Variants in NRM observed in about 807,000 individuals in gnomAD.
NRM encodes the protein nurim.
In NRM, 19 loss-of-function variants were observed where a neutral mutation model predicts 23.4. The observed-to-expected ratio is 0.81, with a 90% CI of 0.57 to 1.19. The LOEUF is 1.19. NRM is among the 50% of genes most tolerant of loss of function. NRM has a pLI of 0.00. For missense variants in NRM, 232 were observed against 329.7 expected, an observed-to-expected ratio of 0.70 and a Z score of 2.30; for synonymous variants, 140 against 143.5, an observed-to-expected ratio of 0.98 and a Z score of 0.17.
In NRM at chr6:30,690,253, G is replaced by T. The variant is rs761516029; in HGVS notation, c.134-10C>A. 6.4e-7 allele frequency: 1 copy of T among 1,563,968 alleles called. No individual in the cohort carries two copies. The highest frequency in any genetic ancestry group is 1.2e-5 in the South Asian group (1 of 84,454). The stretch of plus-strand genomic sequence containing the variant: ...CATCCCTGGCGGGCATCTACAGGAA[G>T]TTGAGGGAAAAAGAGACAAAAGATC... On this transcript the variant is annotated splice_polypyrimidine_tract_variant and intron_variant, in intron 1 of 3. Coordinates refer to ENST00000376421, the MANE Select transcript of NRM (RefSeq NM_001384369.1). This position sits in a 1 kb window ranked among gnomAD's most constrained non-coding sequence, Gnocchi z 5.5.
Position 30,690,290 on chromosome 6 carries a change from A to C in NRM, c.134-47T>G, listed in dbSNP as rs748224639. ...AGAGACAAAAGATCGAAACAGTGGCAGAATGTTTCCCCCACCCTCATCTCC... is the reference window on the plus strand; with the variant it reads ...AGAGACAAAAGATCGAAACAGTGGCCGAATGTTTCCCCCACCCTCATCTCC... On this transcript the variant is annotated intron_variant, in intron 1 of 3. Coordinates refer to ENST00000376421, the MANE Select transcript of NRM (RefSeq NM_001384369.1). This position sits in a 1 kb window ranked among gnomAD's most constrained non-coding sequence, Gnocchi z 5.5. 3.4e-6 allele frequency: 5 copies of C among 1,488,560 alleles called. No homozygotes were observed. Among genetic ancestry groups the C allele is most frequent in the Non-Finnish European group, 4.5e-6 (5 of 1,106,330 alleles). 92.2% of individuals were successfully genotyped at this position (1,488,560 alleles called of 1,614,324 possible).
In NRM at chr6:30,689,025, C is replaced by A; in HGVS notation, c.508-83G>T. On this transcript the variant is annotated intron_variant, in intron 3 of 3. Transcript: ENST00000376421. The surrounding 1 kb of genome is among the most constrained non-coding windows in gnomAD (Gnocchi z 4.7). ...TTCTTTCCTCCTCTTCCAGGCACCACCCTTCTAGAACTCAGGCCCAGGAAC... is the reference window on the plus strand; with the variant it reads ...TTCTTTCCTCCTCTTCCAGGCACCAACCTTCTAGAACTCAGGCCCAGGAAC... 2 of 1,440,488 alleles carry A rather than the reference C, an allele frequency of 1.4e-6. No individual in the cohort carries two copies. The highest frequency in any genetic ancestry group is 1.9e-6 in the Non-Finnish European group (2 of 1,074,558). The allele number at this position is 1,440,488 out of a possible 1,614,324, so 89.2% of individuals were successfully genotyped here. A position where few individuals can be genotyped will look rare whatever the true frequency, so the allele number is the denominator to read the frequency against.
rs1315428064 is a variant in NRM at position 30,690,527 on chromosome 6, G to A, written c.134-284C>T. ...CACGCTGGATTGCCCCTCTTACTTCGGTTCTCCAAATGCTCCTTCTTTTTA... is the reference window on the plus strand; with the variant it reads ...CACGCTGGATTGCCCCTCTTACTTCAGTTCTCCAAATGCTCCTTCTTTTTA... On this transcript the variant is annotated intron_variant, in intron 1 of 3. Coordinates refer to ENST00000376421, the MANE Select transcript of NRM (RefSeq NM_001384369.1). The surrounding 1 kb of genome is among the most constrained non-coding windows in gnomAD (Gnocchi z 5.5). 6 of 1,534,746 alleles carry A rather than the reference G, an allele frequency of 3.9e-6. No homozygotes were observed. Among genetic ancestry groups the A allele is most frequent in the Non-Finnish European group, 5.3e-6 (6 of 1,137,626 alleles).
In NRM at chr6:30,689,958, C is replaced by T; in HGVS notation, c.330+89G>A. 7.2e-7 allele frequency: 1 copy of T among 1,396,738 alleles called. No homozygotes were observed. The highest frequency in any genetic ancestry group is 2.5e-5 in the East Asian group (1 of 39,932). The allele number at this position is 1,396,738 out of a possible 1,614,324, so 86.5% of individuals were successfully genotyped here. A position where few individuals can be genotyped will look rare whatever the true frequency, so the allele number is the denominator to read the frequency against. The stretch of plus-strand genomic sequence containing the variant: ...TCTCCTCCTGAACCCATATTTTGCC[C>T]CTCCAATCCACGGCACCCCTCCCAC... On this transcript the variant is annotated intron_variant, in intron 2 of 3. Coordinates refer to ENST00000376421, the MANE Select transcript of NRM (RefSeq NM_001384369.1). The surrounding 1 kb of genome is among the most constrained non-coding windows in gnomAD (Gnocchi z 4.7).
chr6:30,689,413 C>G lies in NRM; in HGVS notation c.370G>C (p.Val124Leu). Reference sequence around the variant, plus strand: ...GGCTCAGCCCGAGCCTCCCACAACACAGGGCCTTTGGGTATGGGCTCCCAG... The same window carrying G: ...GGCTCAGCCCGAGCCTCCCACAACAGAGGGCCTTTGGGTATGGGCTCCCAG... Reference protein sequence around the residue: ...RYWEPIPKGPVLWEARAEPWA... With the variant: ...RYWEPIPKGPLLWEARAEPWA... The change falls in exon 3 of 4, where the codon GTG becomes CTG. Residue 124 changes from valine (V) to leucine (L), a missense_variant. By Grantham distance (32) the Val-to-Leu change is conservative. Transcript: ENST00000376421. The surrounding 1 kb of genome is among the most constrained non-coding windows in gnomAD (Gnocchi z 4.7). The G allele has an allele frequency of 6.3e-7, 1 of 1,574,836 alleles. No homozygotes were observed. Among genetic ancestry groups the G allele is most frequent in the Non-Finnish European group, 8.6e-7 (1 of 1,160,280 alleles).
At position 30,690,034 on chromosome 6, in the gene NRM, C is replaced by A; in HGVS notation, c.330+13G>T. The A allele has an allele frequency of 6.3e-7, 1 of 1,597,026 alleles. No individual in the cohort carries two copies. Among genetic ancestry groups the A allele is most frequent in the Non-Finnish European group, 8.5e-7 (1 of 1,175,098 alleles). ...TGCCAGGATTTCATACCTGCAAGGC[C>A]AGGGCCTCATACCTGCAAGGCCAGG... On this transcript the variant is annotated intron_variant, in intron 2 of 3. Coordinates refer to ENST00000376421, the MANE Select transcript of NRM (RefSeq NM_001384369.1). This position sits in a 1 kb window ranked among gnomAD's most constrained non-coding sequence, Gnocchi z 5.5.
In NRM at chr6:30,690,968, G is replaced by T; in HGVS notation, c.7C>A (p.Pro3Thr). MA[P>T]ALLLIPAALA... ...GCAGCAGGGATCAGGAGCAGTGCAG[G>T]GGCCATGGCGAGAAATGGAGGGGTG... The change falls in exon 1 of 4, where the codon CCT becomes ACT. Residue 3 changes from proline to threonine, a missense_variant. Pro to Thr is a conservative substitution (Grantham distance 38). Coordinates refer to ENST00000376421, the MANE Select transcript of NRM (RefSeq NM_001384369.1). This position sits in a 1 kb window ranked among gnomAD's most constrained non-coding sequence, Gnocchi z 5.5. 1 of 1,611,926 alleles carries T rather than the reference G, an allele frequency of 6.2e-7. No individual in the cohort carries two copies. Among genetic ancestry groups the T allele is most frequent in the South Asian group, 1.1e-5 (1 of 90,978 alleles).
Position 30,690,946 on chromosome 6 carries a change from G to T in NRM, c.29C>A (p.Ala10Asp), listed in dbSNP as rs756264200. The T allele has an allele frequency of 1.2e-6, 2 of 1,611,568 alleles. No homozygotes were observed. Among genetic ancestry groups the T allele is most frequent in the Non-Finnish European group, 8.5e-7 (1 of 1,179,352 alleles). The change falls in exon 1 of 4, where the codon GCT becomes GAT. Residue 10 changes from alanine to aspartate, a missense_variant. Physicochemically the swap from Ala to Asp is moderately radical, Grantham distance 126. Transcript: ENST00000376421. The surrounding 1 kb of genome is among the most constrained non-coding windows in gnomAD (Gnocchi z 5.5). ...GGCCAGGATGAAAGAGGCGAGGGCA[G>T]CAGGGATCAGGAGCAGTGCAGGGGC... MAPALLLIP[A>D]ALASFILAFG... is the part of the protein sequence containing the mutation.
At chr6:30,691,226 TAGCGGCTCTGCAGC>T, upstream of NRM, 2 of 468,574 alleles carry the variant, frequency 4.3e-6, no homozygotes, top group South Asian at 5.9e-5. Context: ...CTGTTAAGGG[TAGCGGCTCTGCAGC>T]CGCTCACGTG....
Position 30,689,010 on chromosome 6 carries a change from C to A in NRM, c.508-68G>T. ...TCTCATCTTGGGCACTTCTTTCCTCCTCTTCCAGGCACCACCCTTCTAGAA... is the reference window on the plus strand; with the variant it reads ...TCTCATCTTGGGCACTTCTTTCCTCATCTTCCAGGCACCACCCTTCTAGAA... On this transcript the variant is annotated intron_variant, in intron 3 of 3. Transcript: ENST00000376421. This position sits in a 1 kb window ranked among gnomAD's most constrained non-coding sequence, Gnocchi z 4.7. 1 of 1,490,632 alleles carries A rather than the reference C, an allele frequency of 6.7e-7. No homozygotes were observed. The highest frequency in any genetic ancestry group is 9.0e-7 in the Non-Finnish European group (1 of 1,109,744). 92.3% of individuals were successfully genotyped at this position (1,490,632 alleles called of 1,614,324 possible). A position where few individuals can be genotyped will look rare whatever the true frequency, so the allele number is the denominator to read the frequency against.
chr6:30,688,809 C>A lies in NRM; in HGVS notation c.641G>T (p.Gly214Val), dbSNP rs762062968. 3 of 1,613,774 alleles carry A rather than the reference C, an allele frequency of 1.9e-6. No homozygotes were observed. The highest frequency in any genetic ancestry group is 1.3e-5 in the African/African-American group (1 of 74,870). Residue 214 changes from glycine (G) to valine (V), a missense_variant, in exon 4 of 4, where the codon GGC becomes GTC. By Grantham distance (109) the Gly-to-Val change is moderately radical. Coordinates refer to ENST00000376421, the MANE Select transcript of NRM (RefSeq NM_001384369.1). This position sits in a 1 kb window ranked among gnomAD's most constrained non-coding sequence, Gnocchi z 5.9. ...LTVLWVVPTL[G>V]TDRLLLAFLL... ...GAAAGCAAGGAGGAGACGGTCCGTG[C>A]CCAGGGTAGGCACCACCCACAGCAC...
rs770705366 is a variant in NRM at position 30,688,687 on chromosome 6, G to A, written c.763C>T (p.Arg255Trp). 8 of 1,613,802 alleles carry A rather than the reference G, an allele frequency of 5.0e-6. No homozygotes were observed. The highest frequency in any genetic ancestry group is 3.3e-5 in the Admixed American group (2 of 59,986). The change falls in exon 4 of 4, where the codon CGG becomes TGG. Residue 255 changes from arginine to tryptophan, a missense_variant. Arg to Trp is a moderately radical substitution (Grantham distance 101, BLOSUM62 -3). Transcript: ENST00000376421. This position sits in a 1 kb window ranked among gnomAD's most constrained non-coding sequence, Gnocchi z 5.9. Reference protein sequence around the residue: ...QLQRKLHLLSRPQDGEAE With the variant: ...QLQRKLHLLSWPQDGEAE ...CACTCTGCCTCCCCATCCTGGGGCC[G>A]AGAGAGCAGGTGGAGTTTTCTTTGT...
rs1178953133 is a variant in NRM at position 30,690,967 on chromosome 6, G to C, written c.8C>G (p.Pro3Arg). The change falls in exon 1 of 4, where the codon CCT becomes CGT. Residue 3 changes from proline to arginine, a missense_variant. By Grantham distance (103) the Pro-to-Arg change is moderately radical. Transcript: ENST00000376421. The surrounding 1 kb of genome is among the most constrained non-coding windows in gnomAD (Gnocchi z 5.5). ...GGCAGCAGGGATCAGGAGCAGTGCA[G>C]GGGCCATGGCGAGAAATGGAGGGGT... is the stretch of plus-strand genomic sequence containing the variant. MA[P>R]ALLLIPAALA... is the part of the protein sequence containing the mutation. 6.2e-7 allele frequency: 1 copy of C among 1,612,448 alleles called. No individual in the cohort carries two copies. The highest frequency in any genetic ancestry group is 1.1e-5 in the South Asian group (1 of 91,026).
At position 30,688,915 on chromosome 6, in the gene NRM, C is replaced by T. The variant is rs11539189; in HGVS notation, c.535G>A (p.Glu179Lys). 37 of 1,613,120 alleles carry T rather than the reference C, an allele frequency of 2.3e-5. No individual in the cohort carries two copies. The highest frequency in any genetic ancestry group is 1.8e-4 in the Middle Eastern group (1 of 5,678). Residue 179 changes from glutamate to lysine, a missense_variant, in exon 4 of 4, where the codon GAG becomes AAG. Physicochemically the swap from Glu to Lys is moderately conservative, Grantham distance 56. Coordinates refer to ENST00000376421, the MANE Select transcript of NRM (RefSeq NM_001384369.1). The surrounding 1 kb of genome is among the most constrained non-coding windows in gnomAD (Gnocchi z 5.9). ...QVYYHVLGLG[E>K]PLALKSPRAL... ...CGGGGAGACTTCAGGGCCAGAGGCT[C>T]GCCCAGCCCCAGCACATGGTAGTAT...
chr6:30,688,804 C>A lies in NRM; in HGVS notation c.646G>T (p.Asp216Tyr). ...AGGAGGAAAGCAAGGAGGAGACGGT[C>A]CGTGCCCAGGGTAGGCACCACCCAC... is the stretch of plus-strand genomic sequence containing the variant. Reference protein sequence around the residue: ...VLWVVPTLGTDRLLLAFLLTL... With the variant: ...VLWVVPTLGTYRLLLAFLLTL... Residue 216 changes from aspartate to tyrosine, a missense_variant, in exon 4 of 4, where the codon GAC (aspartate) becomes TAC (tyrosine). By Grantham distance (160) the Asp-to-Tyr change is radical. Transcript: ENST00000376421. The surrounding 1 kb of genome is among the most constrained non-coding windows in gnomAD (Gnocchi z 5.9). 5 of 1,613,826 alleles carry A rather than the reference C, an allele frequency of 3.1e-6. No homozygotes were observed. The highest frequency in any genetic ancestry group is 4.2e-6 in the Non-Finnish European group (5 of 1,179,978).
At position 30,690,237 on chromosome 6, in the gene NRM, C is replaced by T. The variant is rs762747317; in HGVS notation, c.140G>A (p.Arg47His). ...GIPESGGPDA[R>H]QGWLAALQDR... ...CTGCAGGGCAGCCAGCCATCCCTGG[C>T]GGGCATCTACAGGAAGTTGAGGGAA... The change falls in exon 2 of 4, where the codon CGC (arginine) becomes CAC (histidine). Residue 47 changes from arginine to histidine, a missense_variant. Physicochemically the swap from Arg to His is conservative, Grantham distance 29 (BLOSUM62 0). Coordinates refer to ENST00000376421, the MANE Select transcript of NRM (RefSeq NM_001384369.1). This position sits in a 1 kb window ranked among gnomAD's most constrained non-coding sequence, Gnocchi z 5.5. 3.0e-5 allele frequency: 47 copies of T among 1,568,788 alleles called. No individual in the cohort carries two copies. The highest frequency in any genetic ancestry group is 1.2e-4 in the South Asian group (10 of 84,958).
At chr6:30,691,309 C>A (rs369465988), upstream of NRM, 128 of 282,518 alleles carry the variant, frequency 4.5e-4, no homozygotes, top group Middle Eastern at 2.3e-3. Flanking sequence ...TGTTTTACCA[C>A]AAAATAAATT....
rs776175639 is a variant in NRM at position 30,690,887 on chromosome 6, A to T, written c.88T>A (p.Ser30Thr). ...ATCCCTCCAAGAAGTGGCCGAAGGG[A>T]GGTAAAGCGCACGAACTCCACTCCG... ...GTGVEFVRFT[S>T]LRPLLGGIPE... Residue 30 changes from serine to threonine, a missense_variant, in exon 1 of 4, where the codon TCC becomes ACC. Transcript: ENST00000376421. This position sits in a 1 kb window ranked among gnomAD's most constrained non-coding sequence, Gnocchi z 5.5. 3.7e-6 allele frequency: 6 copies of T among 1,608,108 alleles called. No individual in the cohort carries two copies. Among genetic ancestry groups the T allele is most frequent in the East Asian group, 2.2e-5 (1 of 44,560 alleles).
In NRM at chr6:30,689,026, C is replaced by A. The variant is rs926208819; in HGVS notation, c.508-84G>T. The A allele has an allele frequency of 1.4e-6, 2 of 1,415,882 alleles. No individual in the cohort carries two copies. The highest frequency in any genetic ancestry group is 2.4e-5 in the Admixed American group (1 of 41,734). 87.7% of individuals were successfully genotyped at this position (1,415,882 alleles called of 1,614,324 possible). A position where few individuals can be genotyped will look rare whatever the true frequency, so the allele number is the denominator to read the frequency against. ...TCTTTCCTCCTCTTCCAGGCACCAC[C>A]CTTCTAGAACTCAGGCCCAGGAACC... On this transcript the variant is annotated intron_variant, in intron 3 of 3. Coordinates refer to ENST00000376421, the MANE Select transcript of NRM (RefSeq NM_001384369.1). The surrounding 1 kb of genome is among the most constrained non-coding windows in gnomAD (Gnocchi z 4.7).
Sources: gnomAD v4.1 joint callset for allele counts on GRCh38, gnomAD v4.1.1 for gene constraint, Gnocchi (gnomAD v3.1) non-coding constraint, MANE v1.5 for transcripts, NCBI Gene and HGNC (gene_info 2026-07-23, HGNC 2026-07-21) for gene names.